The following WASF3 variants were observed in gnomAD, a reference collection of about 807,000 sequenced individuals.
The protein encoded by WASF3 is WASP family member 3, also known as actin-binding protein WASF3.
In WASF3, 11 loss-of-function variants were observed where a neutral mutation model predicts 46.6. The ratio of observed to expected loss-of-function variants is 0.24; its 90% CI spans 0.15 to 0.39. The LOEUF (loss-of-function observed/expected upper bound fraction) is 0.39. Among genes scored for constraint, WASF3 ranks in the 10% least tolerant of loss-of-function variants. The pLI is 1.00. For synonymous variants in WASF3, 242 were observed against 259.7 expected, an observed-to-expected ratio of 0.93 and a Z score of 0.65; for missense variants, 576 against 669.8, an observed-to-expected ratio of 0.86 and a Z score of 1.55.
At chr13:26,542,337 A>G in the WASF3 span, among the ~76,000 whole-genome samples, 4 of 152,332 alleles carry the variant, frequency 2.6e-5, no homozygotes, top group South Asian at 8.3e-4. Flanking sequence ...TGTCTGTTAC[A>G]GCATCTAAAT....
chr13:26,632,188 G>A (rs1881671476), intron 2 of WASF3, among the ~76,000 whole-genome samples: 1 of 152,110 alleles, frequency 6.6e-6, no homozygotes. Context: ...GATTGCCCTG[G>A]CCAGAACTTC....
the WASF3 span, among the ~76,000 whole-genome samples, chr13:26,545,103 T>C: frequency 2.0e-5 from 3 of 152,160 alleles, no homozygotes; most frequent in Non-Finnish European, 4.4e-5. Context: ...CCCTCCACTC[T>C]CCACCCCTGG....
the WASF3 span, among the ~76,000 whole-genome samples, chr13:26,542,638 T>C: frequency 1.3e-5 from 2 of 152,216 alleles, no homozygotes; most frequent in Non-Finnish European, 2.9e-5. Flanking sequence ...TGAGAAGTGG[T>C]TAAAGTATTG....
intron 1 of WASF3, among the ~76,000 whole-genome samples, chr13:26,559,811 T>TCTTTCTTTCTTTCTTTCTTTC (rs545438991): frequency 2.4e-5 from 2 of 83,220 alleles, no homozygotes; most frequent in East Asian, 3.5e-4. Flanking sequence ...TTTCTTTCTT[T>TCTTTCTTTCTTTCTTTCTTTC]TTTTTTTTTT....
chr13:26,591,581 A>G (rs1204297690), intron 1 of WASF3, among the ~76,000 whole-genome samples: 1 of 152,150 alleles, frequency 6.6e-6, no homozygotes, highest in African/African-American at 2.4e-5. Context: ...TACGAGCTCT[A>G]GATTGCTGGG....
intron 2 of WASF3, chr13:26,641,015 A>G (rs1881981520): frequency 6.6e-6 from 1 of 152,244 alleles, no homozygotes; most frequent in Non-Finnish European, 1.5e-5. Context: ...GCCAAGTGGA[A>G]CAAGAGGTTG....
chr13:26,636,992 C>T, intron 2 of WASF3, among the ~76,000 whole-genome samples: 1 of 152,208 alleles, frequency 6.6e-6, no homozygotes, highest in Non-Finnish European at 1.5e-5. Context: ...CTTCACAGGG[C>T]TTATCTGCCA....
intron 3 of WASF3, among the ~76,000 whole-genome samples, chr13:26,660,338 G>A (rs2137454224): frequency 6.6e-6 from 1 of 151,704 alleles, no homozygotes; most frequent in African/African-American, 2.4e-5. Flanking sequence ...GGAGCAGAGG[G>A]CCCACGAGGC....
At chr13:26,678,739 A>G (rs1461186924) in intron 7 of WASF3, among the ~76,000 whole-genome samples, 2 of 152,178 alleles carry the variant, frequency 1.3e-5, no homozygotes, top group Non-Finnish European at 2.9e-5. Context: ...TGCCTGCTGT[A>G]TGACCAGCTC....
intron 2 of WASF3, among the ~76,000 whole-genome samples, chr13:26,626,721 G>A (rs974615362): frequency 9.9e-5 from 15 of 152,242 alleles, no homozygotes; most frequent in Middle Eastern, 6.8e-3. Context: ...AGGAATGACC[G>A]TTATATCAAA....
chr13:26,577,542 A>C lies in WASF3; in HGVS notation c.-109+19723A>C. 3 of 1,329,178 alleles carry C rather than the reference A, an allele frequency of 2.3e-6. No homozygotes were observed. In the South Asian group the frequency reaches 3.5e-5, roughly 16 times the overall value. 82.3% of individuals were successfully genotyped at this position (1,329,178 alleles called of 1,614,324 possible). ...GTTAGAAAAGTAAAAATGCTGAAGAAGCCCAAGTTTGAATTGGGAAAACTC... is the reference window on the plus strand; with the variant it reads ...GTTAGAAAAGTAAAAATGCTGAAGACGCCCAAGTTTGAATTGGGAAAACTC... On this transcript the variant is annotated intron_variant, in intron 1 of 9. Transcript: ENST00000335327.
intron 3 of WASF3, among the ~76,000 whole-genome samples, chr13:26,664,529 G>A (rs1882716993): frequency 6.6e-6 from 1 of 152,182 alleles, no homozygotes; most frequent in Admixed American, 6.5e-5. Context: ...CTGAGTCAGC[G>A]CTATATACCT....
At chr13:26,629,252 G>A (rs112964041) in intron 2 of WASF3, among the ~76,000 whole-genome samples, 2,077 of 152,276 alleles carry the variant, frequency 0.014, 49 homozygotes, top group African/African-American at 0.047. Context: ...AGGTTAACAA[G>A]TGATACAGAA....
intron 1 of WASF3, among the ~76,000 whole-genome samples, chr13:26,587,522 A>G (rs928197096): frequency 5.3e-5 from 8 of 152,104 alleles, no homozygotes; most frequent in Non-Finnish European, 1.2e-4. Context: ...ATTATTTTTG[A>G]AGTATGTAGC....
Position 26,687,289 on chromosome 13 carries a change from GGTTA to G in WASF3, c.*1449_*1452del, listed in dbSNP as rs1883436866. On this transcript the variant is annotated 3_prime_UTR_variant, in exon 10 of 10. Coordinates refer to ENST00000335327, the MANE Select transcript of WASF3 (RefSeq NM_006646.6). ...CTCAACAGTATTTCATATCCATTGTGGTTAGTTACTCAGTTATGTTGAGAAGAAT... is the reference window on the plus strand; with the variant it reads ...CTCAACAGTATTTCATATCCATTGTGGTTACTCAGTTATGTTGAGAAGAAT... The G allele has an allele frequency of 6.6e-6, 1 of 152,208 alleles. No homozygotes were observed. Among genetic ancestry groups the G allele is most frequent in the African/African-American group, 2.4e-5 (1 of 41,456 alleles). 9.4% of individuals were successfully genotyped at this position (152,208 alleles called of 1,614,324 possible).
At chr13:26,659,592 T>A (rs1007043821) in intron 3 of WASF3, among the ~76,000 whole-genome samples, 1 of 152,122 alleles carries the variant, frequency 6.6e-6, no homozygotes, top group African/African-American at 2.4e-5. Flanking sequence ...GCAAGGTTGC[T>A]GGAAGACCAA....
chr13:26,622,904 A>G (rs1410084205), intron 2 of WASF3, among the ~76,000 whole-genome samples: 5 of 152,340 alleles, frequency 3.3e-5, no homozygotes, highest in African/African-American at 7.2e-5. Flanking sequence ...TTCTCTTCCA[A>G]TTAGGATATA....
intron 1 of WASF3, among the ~76,000 whole-genome samples, chr13:26,611,104 T>C (rs1445604789): frequency 6.9e-6 from 1 of 144,660 alleles, no homozygotes; most frequent in Non-Finnish European, 1.5e-5. Context: ...ACTCCTGGGC[T>C]CGTGATCTGC....
rs146012342 is a variant in WASF3 at position 26,659,734 on chromosome 13, C to T, written c.134-5294C>T. Among the ~76,000 whole-genome samples the T allele has an allele frequency of 9.1e-3, 1,377 of 151,472 alleles. 9 individuals are homozygous for T. Among genetic ancestry groups the T allele is most frequent in the African/African-American group, 0.017 (725 of 41,448 alleles). On this transcript the variant is annotated intron_variant, in intron 3 of 9. Coordinates refer to ENST00000335327, the MANE Select transcript of WASF3 (RefSeq NM_006646.6). ...GAAAATGGATGTGTATGACAGTTTG[C>T]TGGAGAGCCAGTGTGGAGTGTGAGT...
Sources: allele counts gnomAD v4.1 joint callset (sites outside exome capture counted in the v4.1 genomes callset), GRCh38; gene constraint gnomAD v4.1.1; transcripts MANE v1.5; gene names NCBI Gene and HGNC (gene_info 2026-07-23, HGNC 2026-07-21).